CNTN5: variants seen among roughly 807,000 people sequenced by gnomAD.
CNTN5 encodes contactin 5, also known as contactin-5.
Under a neutral mutation model 129.1 loss-of-function variants are expected in CNTN5, and 77 were observed. The observed-to-expected ratio is 0.60, with a 90% CI of 0.50 to 0.72. CNTN5 has a LOEUF of 0.72. Ranked by LOEUF, CNTN5 falls within the 30% of genes least tolerant of loss-of-function variation. CNTN5 has a pLI of 0.00. For missense variants in CNTN5, 1,478 were observed against 1,328.8 expected (o/e 1.11, Z -1.75); for synonymous variants, 509 against 465.6 (o/e 1.09, Z -1.20).
chr11:100,040,322 CT>C (rs1942295876), intron 9 of CNTN5, among the ~76,000 whole-genome samples: 1 of 152,146 alleles, frequency 6.6e-6, no homozygotes, highest in Non-Finnish European at 1.5e-5. Flanking sequence ...CTGATCGTTC[CT>C]CTGGAAGTTT....
intron 9 of CNTN5, among the ~76,000 whole-genome samples, chr11:100,050,384 CA>C (rs1004342767): frequency 1.3e-5 from 2 of 151,680 alleles, no homozygotes; most frequent in Non-Finnish European, 2.9e-5. Flanking sequence ...AACAAAAAAC[CA>C]AACACCGCAT....
At chr11:99,139,567 T>G (rs1414295081) in intron 1 of CNTN5, among the ~76,000 whole-genome samples, 1 of 152,204 alleles carries the variant, frequency 6.6e-6, no homozygotes, top group African/African-American at 2.4e-5. Context: ...TTAATAGCAC[T>G]TACAGGGTTA....
intron 1 of CNTN5, among the ~76,000 whole-genome samples, chr11:99,054,909 C>A (rs1864570970): frequency 6.6e-6 from 1 of 151,872 alleles, no homozygotes; most frequent in Non-Finnish European, 1.5e-5. Context: ...GTTCGTTAAA[C>A]AAAAATTATT....
intron 13 of CNTN5, among the ~76,000 whole-genome samples, chr11:100,151,648 G>C (rs1383018747): frequency 1.3e-5 from 2 of 152,038 alleles, no homozygotes; most frequent in African/African-American, 4.8e-5. Flanking sequence ...TGTCATACCA[G>C]GTCCTTAAAT....
intron 3 of CNTN5, among the ~76,000 whole-genome samples, chr11:99,646,661 C>T (rs1452402473): frequency 6.6e-6 from 1 of 151,996 alleles, no homozygotes. Context: ...AAAAAGAGTG[C>T]ATTTTATTTA....
intron 18 of CNTN5, among the ~76,000 whole-genome samples, chr11:100,287,670 C>A (rs1365124977): frequency 2.0e-5 from 3 of 151,962 alleles, no homozygotes; most frequent in African/African-American, 7.3e-5. Flanking sequence ...AATGTAAAGA[C>A]CTTCGAGACT....
At chr11:99,856,336 G>A (rs1258682280) in intron 6 of CNTN5, among the ~76,000 whole-genome samples, 1 of 152,184 alleles carries the variant, frequency 6.6e-6, no homozygotes, top group East Asian at 1.9e-4. Flanking sequence ...AATTATAAAT[G>A]ATGCTGTATG....
At chr11:100,311,265 G>A (rs1591503815) in intron 21 of CNTN5, among the ~76,000 whole-genome samples, 1 of 151,854 alleles carries the variant, frequency 6.6e-6, no homozygotes, top group African/African-American at 2.4e-5. Flanking sequence ...TGAAAAAGAT[G>A]AGACAAAGAT....
chr11:99,840,927 A>G (rs1300728160), intron 4 of CNTN5, among the ~76,000 whole-genome samples: 1 of 152,160 alleles, frequency 6.6e-6, no homozygotes, highest in African/African-American at 2.4e-5. Context: ...TAAAAAATGT[A>G]TCTCAGTATA....
intron 3 of CNTN5, among the ~76,000 whole-genome samples, chr11:99,690,839 A>T (rs1210608080): frequency 2.2e-5 from 3 of 138,956 alleles, no homozygotes; most frequent in Middle Eastern, 3.6e-3. Context: ...AAATGATAAC[A>T]ACTCTTTTTT....
At chr11:99,189,494 TC>T (rs1858522707) in intron 1 of CNTN5, among the ~76,000 whole-genome samples, 1 of 151,636 alleles carries the variant, frequency 6.6e-6, no homozygotes, top group Admixed American at 6.6e-5. Context: ...TAATTTAAAT[TC>T]CTACCAACAC....
At chr11:99,663,896 ACAAT>A (rs1952689903) in intron 3 of CNTN5, among the ~76,000 whole-genome samples, 1 of 152,180 alleles carries the variant, frequency 6.6e-6, no homozygotes, top group Admixed American at 6.5e-5. Flanking sequence ...TTAGGCCAAC[ACAAT>A]CAAAGTATTG....
At chr11:99,092,513 TA>T (rs1337820307) in intron 1 of CNTN5, among the ~76,000 whole-genome samples, 6 of 151,998 alleles carry the variant, frequency 3.9e-5, no homozygotes, top group Non-Finnish European at 7.4e-5. Flanking sequence ...AAAAACTACC[TA>T]AAAACTGGCC....
intron 2 of CNTN5, among the ~76,000 whole-genome samples, chr11:99,345,461 C>A (rs1937778453): frequency 6.6e-6 from 1 of 152,140 alleles, no homozygotes; most frequent in Non-Finnish European, 1.5e-5. Context: ...AAACTTATGC[C>A]CTCATCCCTG....
chr11:99,896,351 A>G (rs895119651), intron 6 of CNTN5, among the ~76,000 whole-genome samples: 1 of 152,166 alleles, frequency 6.6e-6, no homozygotes, highest in Non-Finnish European at 1.5e-5. Context: ...AGTAGCTGAT[A>G]GGCCCTCTGT....
chr11:99,342,202 T>C (rs1196601652), intron 2 of CNTN5, among the ~76,000 whole-genome samples: 1 of 152,108 alleles, frequency 6.6e-6, no homozygotes, highest in Non-Finnish European at 1.5e-5. Flanking sequence ...TTTTACAGAC[T>C]TTAAAATATT....
At chr11:100,237,706 C>T (rs1001380161) in intron 16 of CNTN5, among the ~76,000 whole-genome samples, 4 of 152,048 alleles carry the variant, frequency 2.6e-5, no homozygotes, top group African/African-American at 7.2e-5. Context: ...AAGGCTTTTT[C>T]TTGGTTAAAA....
intron 3 of CNTN5, among the ~76,000 whole-genome samples, chr11:99,646,932 A>G (rs1322751113): frequency 6.6e-6 from 1 of 151,802 alleles, no homozygotes; most frequent in African/African-American, 2.4e-5. Context: ...TATTCTGGGT[A>G]TTAATTCCCT....
At chr11:100,337,445 G>A (rs1565437429) in intron 21 of CNTN5, 1 of 751,064 alleles carries the variant, frequency 1.3e-6, no homozygotes, top group Non-Finnish European at 2.5e-6. Flanking sequence ...CCCAAAATCA[G>A]GTGTTGAATG....
Sources: gnomAD v4.1 joint callset for allele counts (sites outside exome capture counted in the v4.1 genomes callset) on GRCh38, gnomAD v4.1.1 for gene constraint, MANE v1.5 for transcripts, NCBI Gene and HGNC (gene_info 2026-07-23, HGNC 2026-07-21) for gene names.